Variants in LIPC observed in about 807,000 individuals in gnomAD.
LIPC encodes hepatic triacylglycerol lipase.
In LIPC, 44 loss-of-function variants were observed where a neutral mutation model predicts 50.7. That is an observed-to-expected ratio of 0.87 (90% CI 0.68 to 1.11). The LOEUF is 1.11. Among genes scored for constraint, LIPC ranks in the 50% most tolerant of loss-of-function variants. The pLI is 0.00. For missense variants in LIPC, 697 were observed against 648.2 expected (o/e 1.08, Z -0.82); for synonymous variants, 271 against 256.4 (o/e 1.06, Z -0.54).
chr15:58,536,713 G>T (rs1180793537), intron 1 of LIPC, among the ~76,000 whole-genome samples: 1 of 152,154 alleles, frequency 6.6e-6, no homozygotes, highest in African/African-American at 2.4e-5. Flanking sequence ...GAGAGCGGCA[G>T]AAATTTTCTT....
chr15:58,531,077 G>A (rs551974662), intron 1 of LIPC, among the ~76,000 whole-genome samples: 13 of 152,280 alleles, frequency 8.5e-5, no homozygotes, highest in African/African-American at 1.9e-4. Flanking sequence ...CTTGTCAAAC[G>A]GTTTTCCAAA....
intron 1 of LIPC, among the ~76,000 whole-genome samples, chr15:58,506,084 T>C (rs1269626317): frequency 6.6e-6 from 1 of 152,178 alleles, no homozygotes; most frequent in Non-Finnish European, 1.5e-5. Context: ...CTCTGTGGTG[T>C]GTGCCCCACC....
At chr15:58,458,320 C>T (rs948970903) in intron 1 of LIPC, among the ~76,000 whole-genome samples, 7 of 152,204 alleles carry the variant, frequency 4.6e-5, no homozygotes, top group African/African-American at 1.7e-4. Context: ...TGAGCAAGGT[C>T]GGCTTATGCT....
rs980249517 is a variant in LIPC at position 58,548,528 on chromosome 15, G to A, written c.1007G>A (p.Ser336Asn). 32 of 1,599,644 alleles carry A rather than the reference G, an allele frequency of 2.0e-5. No individual in the cohort carries two copies. Among genetic ancestry groups the A allele is most frequent in the Non-Finnish European group, 2.7e-5 (32 of 1,172,856 alleles). ...GTCCGCCAGGAGCCGCGGAGCAAGA[G>A]CAAGAGGCTCTTCCTCGTAACGCGA... is the stretch of plus-strand genomic sequence containing the variant. ...YHVRQEPRSK[S>N]KRLFLVTRAQ... The change falls in exon 6 of 9, where the codon AGC becomes AAC. Residue 336 changes from serine (S) to asparagine (N), a missense_variant. Ser to Asn is a conservative substitution (Grantham distance 46, BLOSUM62 1). Transcript: ENST00000299022.
intron 1 of LIPC, among the ~76,000 whole-genome samples, chr15:58,475,345 G>A (rs1423236718): frequency 6.6e-6 from 1 of 152,198 alleles, no homozygotes; most frequent in African/African-American, 2.4e-5. Flanking sequence ...TCTGTCAAAA[G>A]ATTCTGTGGC....
intron 1 of LIPC, among the ~76,000 whole-genome samples, chr15:58,481,484 G>A (rs1351490297): frequency 6.6e-6 from 1 of 152,186 alleles, no homozygotes; most frequent in Non-Finnish European, 1.5e-5. Context: ...ATATATCCAT[G>A]TACAAGAACA....
chr15:58,487,877 A>G (rs527972898), intron 1 of LIPC, among the ~76,000 whole-genome samples: 1 of 152,318 alleles, frequency 6.6e-6, no homozygotes, highest in African/African-American at 2.4e-5. Context: ...CATGGTGGGA[A>G]TGTGGCAGGA....
chr15:58,434,545 G>T (rs261334), intron 1 of LIPC, among the ~76,000 whole-genome samples: 1 of 152,088 alleles, frequency 6.6e-6, no homozygotes, highest in African/African-American at 2.4e-5. Context: ...GCAGTGCTCT[G>T]TGTCGAGCCC....
At chr15:58,514,078 G>C (rs1446692766) in intron 1 of LIPC, among the ~76,000 whole-genome samples, 3 of 152,170 alleles carry the variant, frequency 2.0e-5, no homozygotes, top group African/African-American at 7.2e-5. Flanking sequence ...CAACAGAGTG[G>C]TACAGTAATA....
chr15:58,477,895 A>C (rs1360336447), intron 1 of LIPC, among the ~76,000 whole-genome samples: 1 of 152,108 alleles, frequency 6.6e-6, no homozygotes, highest in Non-Finnish European at 1.5e-5. Context: ...GCCACATGGC[A>C]GTCCGCAGGT....
intron 1 of LIPC, among the ~76,000 whole-genome samples, chr15:58,487,076 G>A (rs972577836): frequency 6.6e-6 from 1 of 152,162 alleles, no homozygotes; most frequent in African/African-American, 2.4e-5. Context: ...CATGCAACCT[G>A]GTCCCTAAAC....
At chr15:58,478,948 G>A (rs149434005) in intron 1 of LIPC, among the ~76,000 whole-genome samples, 1 of 152,360 alleles carries the variant, frequency 6.6e-6, no homozygotes, top group East Asian at 1.9e-4. Flanking sequence ...CACCAACCGT[G>A]TGGTCCACAT....
chr15:58,492,117 G>T (rs373963327), intron 1 of LIPC, among the ~76,000 whole-genome samples: 24 of 152,104 alleles, frequency 1.6e-4, no homozygotes, highest in East Asian at 7.7e-4. Context: ...AGCAGGGGAG[G>T]CTCCCCAAGC....
chr15:58,535,361 C>T (rs1046285153), intron 1 of LIPC, among the ~76,000 whole-genome samples: 47 of 152,198 alleles, frequency 3.1e-4, no homozygotes, highest in African/African-American at 1.1e-3. Flanking sequence ...TGAATGAGCA[C>T]ATACCTGTAT....
At chr15:58,507,341 A>G (rs1462234204) in intron 1 of LIPC, among the ~76,000 whole-genome samples, 1 of 147,134 alleles carries the variant, frequency 6.8e-6, no homozygotes, top group African/African-American at 2.7e-5. Flanking sequence ...AGGAGGAGGG[A>G]AGGAAGGAAG....
chr15:58,508,758 A>G (rs1892242568), intron 1 of LIPC, among the ~76,000 whole-genome samples: 2 of 151,590 alleles, frequency 1.3e-5, no homozygotes. Context: ...CCGCATTCAC[A>G]TCCTTCTGCC....
chr15:58,458,490 C>G lies in LIPC; in HGVS notation c.88+26370C>G, dbSNP rs188517645. Among the ~76,000 whole-genome samples the G allele has an allele frequency of 9.5e-4, 144 of 152,310 alleles. 1 individual carries two copies. Among genetic ancestry groups the G allele is most frequent in the African/African-American group, 3.2e-3 (135 of 41,562 alleles). Reference sequence around the variant, plus strand: ...ACATTGTCCTCATTCCCAGCTCTTTCCTCCAAGTCAAAACATTTAGAATGA... The same window carrying G: ...ACATTGTCCTCATTCCCAGCTCTTTGCTCCAAGTCAAAACATTTAGAATGA... On this transcript the variant is annotated intron_variant, in intron 1 of 8. Coordinates refer to ENST00000299022, the MANE Select transcript of LIPC (RefSeq NM_000236.3).
chr15:58,483,063 A>G (rs1011158079), intron 1 of LIPC, among the ~76,000 whole-genome samples: 2 of 152,226 alleles, frequency 1.3e-5, no homozygotes, highest in African/African-American at 4.8e-5. Flanking sequence ...AGGCTAAACT[A>G]TCTCCCTACC....
rs563998574 is a variant in LIPC, at chr15:58,496,089, G to A, written c.89-42244G>A. On this transcript the variant is annotated intron_variant, in intron 1 of 8. Coordinates refer to ENST00000299022, the MANE Select transcript of LIPC (RefSeq NM_000236.3). ...ACCCAAGCCTTCTCATCCCTATCAC[G>A]AGTTGGATCTAGGGCAGTGGTTCTC... Among the ~76,000 whole-genome samples, 6 of 152,248 alleles carry A rather than the reference G, an allele frequency of 3.9e-5. No individual in the cohort carries two copies. The East Asian group carries it at 5.8e-4, about 15-fold the overall frequency.
Sources: allele counts gnomAD v4.1 joint callset (sites outside exome capture counted in the v4.1 genomes callset), GRCh38; gene constraint gnomAD v4.1.1; transcripts MANE v1.5; gene names NCBI Gene and HGNC (gene_info 2026-07-23, HGNC 2026-07-21).